The following CFAP97 variants were observed in gnomAD, a reference collection of about 807,000 sequenced individuals.
The protein encoded by CFAP97 is cilia- and flagella-associated protein 97.
Under a neutral mutation model 43.1 loss-of-function variants are expected in CFAP97, and 36 were observed. The observed-to-expected ratio is 0.84, with a 90% CI of 0.64 to 1.10. CFAP97 has a LOEUF of 1.10. Ranked by LOEUF, CFAP97 falls within the 50% of genes least tolerant of loss-of-function variation. The probability of loss-of-function intolerance (pLI) is 0.00; values close to 1 mark genes in which losing one functional copy is unlikely to be tolerated. For synonymous variants in CFAP97, 228 were observed against 225.7 expected, an observed-to-expected ratio of 1.01 and a Z score of -0.09; for missense variants, 657 against 620.3, an observed-to-expected ratio of 1.06 and a Z score of -0.63.
intron 2 of CFAP97, among the ~76,000 whole-genome samples, chr4:185,189,819 T>C (rs1204625757): frequency 1.3e-5 from 2 of 152,206 alleles, no homozygotes; most frequent in African/African-American, 2.4e-5. Context: ...GTGAAATATG[T>C]CCGTGTCTCT....
intron 2 of CFAP97, 112 bp from the exon 3 acceptor site, chr4:185,176,163 A>T: frequency 3.1e-6 from 3 of 962,716 alleles, no homozygotes; most frequent in Non-Finnish European, 3.0e-6. Context: ...CCCAGACTGG[A>T]GTGCAATGGG....
At chr4:185,191,855 A>G (rs1736273136) in intron 1 of CFAP97, among the ~76,000 whole-genome samples, 1 of 151,128 alleles carries the variant, frequency 6.6e-6, no homozygotes, top group South Asian at 2.1e-4. Context: ...AACAAAAACA[A>G]AAACCCCAAA....
chr4:185,174,038 GCT>G (rs1177482417), intron 3 of CFAP97, among the ~76,000 whole-genome samples: 1 of 152,090 alleles, frequency 6.6e-6, no homozygotes, highest in Non-Finnish European at 1.5e-5. Flanking sequence ...TTGCACCTGG[GCT>G]CTGACACCTG....
At chr4:185,171,886 A>G (rs1735320008) in intron 3 of CFAP97, among the ~76,000 whole-genome samples, 1 of 152,020 alleles carries the variant, frequency 6.6e-6, no homozygotes, top group South Asian at 2.1e-4. Flanking sequence ...ACAGCCATGC[A>G]TCACCACACC....
intron 1 of CFAP97, among the ~76,000 whole-genome samples, chr4:185,201,776 G>A (rs1433143363): frequency 6.6e-6 from 1 of 152,064 alleles, no homozygotes; most frequent in Non-Finnish European, 1.5e-5. Context: ...TATCTCCAAG[G>A]TATGCCTGTA....
intron 1 of CFAP97, among the ~76,000 whole-genome samples, chr4:185,200,258 G>T (rs1282336971): frequency 6.6e-6 from 1 of 152,204 alleles, no homozygotes; most frequent in Non-Finnish European, 1.5e-5. Flanking sequence ...TATTTTAGAA[G>T]GCCAAGGCAG....
chr4:185,168,561 G>A (rs1354026864), intron 3 of CFAP97, among the ~76,000 whole-genome samples: 1 of 151,892 alleles, frequency 6.6e-6, no homozygotes, highest in African/African-American at 2.4e-5. Context: ...CTGCATCACT[G>A]CACTCCAGCC....
rs1734878603 is a variant in CFAP97, at chr4:185,161,680, T to C, written c.*1118A>G. On this transcript the variant is annotated 3_prime_UTR_variant, in exon 5 of 5. Transcript: ENST00000458385. ...AATTCCATCAAGATTACTAGGTCTTTAAATGTGGGACTGGTAAAAATAATA... is the reference window on the plus strand; with the variant it reads ...AATTCCATCAAGATTACTAGGTCTTCAAATGTGGGACTGGTAAAAATAATA... The C allele has an allele frequency of 6.6e-6, 1 of 152,208 alleles. No homozygotes were observed. Among genetic ancestry groups the C allele is most frequent in the Non-Finnish European group, 1.5e-5 (1 of 68,040 alleles). 9.4% of individuals were successfully genotyped at this position (152,208 alleles called of 1,614,324 possible).
chr4:185,182,192 T>TCAC (rs933747639), intron 2 of CFAP97: 8 of 152,184 alleles, frequency 5.3e-5, no homozygotes, highest in Non-Finnish European at 8.8e-5. Context: ...AAATCTAGTG[T>TCAC]GGTCAACGTC....
chr4:185,191,360 CAGTGA>C, intron 1 of CFAP97, 148 bp from the exon 2 acceptor site: 1 of 579,072 alleles, frequency 1.7e-6, no homozygotes. Flanking sequence ...AAAGGTAACT[CAGTGA>C]AGTGATGATG....
chr4:185,187,223 T>G (rs1736039819), intron 2 of CFAP97, among the ~76,000 whole-genome samples: 1 of 152,196 alleles, frequency 6.6e-6, no homozygotes, highest in African/African-American at 2.4e-5. Flanking sequence ...AATGGGCAAC[T>G]GTTATAAAAT....
chr4:185,176,356 A>G (rs540447166), intron 2 of CFAP97, among the ~76,000 whole-genome samples: 56 of 152,094 alleles, frequency 3.7e-4, no homozygotes, highest in Middle Eastern at 3.4e-3. Context: ...CAGGTGATCC[A>G]CCCACCTCAG....
intron 1 of CFAP97, among the ~76,000 whole-genome samples, chr4:185,197,920 A>C (rs889634237): frequency 6.6e-6 from 1 of 152,204 alleles, no homozygotes; most frequent in Admixed American, 6.6e-5. Context: ...AAGGAAATTA[A>C]GACTGCTACT....
rs183246269 is a variant in CFAP97 at position 185,174,775 on chromosome 4, T to A, written c.1320+1011A>T. Among the ~76,000 whole-genome samples, 312 of 152,332 alleles carry A rather than the reference T, an allele frequency of 2.0e-3. 2 individuals carry two copies. Among genetic ancestry groups the A allele is most frequent in the Non-Finnish European group, 3.7e-4 (25 of 68,026 alleles). On this transcript the variant is annotated intron_variant, in intron 3 of 4. Coordinates refer to ENST00000458385, the MANE Select transcript of CFAP97 (RefSeq NM_020827.3). ...CGTGAGATGTGGATAAAAATAGTTA[T>A]CTACTTCAGAGAATTGTTGTCAGGA... is the stretch of plus-strand genomic sequence containing the variant.
At position 185,190,147 on chromosome 4, in the gene CFAP97, C is replaced by G. The variant is rs1736166155; in HGVS notation, c.1050G>C (p.Leu350Phe). ...TTAAGAAGAAAAGAAAATTACCTTT[C>G]AAGAGATGATTCAGATCCATTGTGT... is the stretch of plus-strand genomic sequence containing the variant. ...LHDTMDLNHLLKAFLQLDKKG... is the reference protein window; with the variant it reads ...LHDTMDLNHLFKAFLQLDKKG... Residue 350 changes from leucine (L) to phenylalanine (F), a missense_variant, in exon 2 of 5, where the codon TTG becomes TTC. Leu to Phe is a conservative substitution (Grantham distance 22). Transcript: ENST00000458385. The G allele has an allele frequency of 2.6e-6, 4 of 1,548,210 alleles. No homozygotes were observed. The highest frequency in any genetic ancestry group is 3.5e-6 in the Non-Finnish European group (4 of 1,147,956).
chr4:185,171,701 A>G (rs1255880697), intron 3 of CFAP97, among the ~76,000 whole-genome samples: 7 of 152,174 alleles, frequency 4.6e-5, no homozygotes, highest in Admixed American at 6.6e-5. Flanking sequence ...AGAAAGAGAT[A>G]TGGTTTAACA....
At chr4:185,197,608 A>G (rs1349363934) in intron 1 of CFAP97, among the ~76,000 whole-genome samples, 1 of 151,912 alleles carries the variant, frequency 6.6e-6, no homozygotes, top group Non-Finnish European at 1.5e-5. Context: ...TTGTATTTTT[A>G]GTAGAGATGG....
chr4:185,171,169 G>A (rs1486374615), intron 3 of CFAP97, among the ~76,000 whole-genome samples: 3 of 151,636 alleles, frequency 2.0e-5, no homozygotes, highest in Non-Finnish European at 1.5e-5. Flanking sequence ...TGAAAAGATG[G>A]GCTATTGTCT....
At chr4:185,177,487 AT>A (rs1414259148) in intron 2 of CFAP97, among the ~76,000 whole-genome samples, 1 of 152,042 alleles carries the variant, frequency 6.6e-6, no homozygotes, top group South Asian at 2.1e-4. Flanking sequence ...CCTTATGTTA[AT>A]TTTTTAAACA....
Sources: gnomAD v4.1 joint callset for allele counts (sites outside exome capture counted in the v4.1 genomes callset) on GRCh38, gnomAD v4.1.1 for gene constraint, MANE v1.5 for transcripts, NCBI Gene and HGNC (gene_info 2026-07-23, HGNC 2026-07-21) for gene names.